The following TM4SF19 variants were observed in gnomAD, a reference collection of about 807,000 sequenced individuals.
The protein encoded by TM4SF19 is transmembrane 4 L6 family member 19.
In TM4SF19, 17 loss-of-function variants were observed where a neutral mutation model predicts 21.8. That is an observed-to-expected ratio of 0.78 (90% CI 0.53 to 1.17). TM4SF19 has a LOEUF of 1.17. Ranked by LOEUF, TM4SF19 falls within the 50% of genes most tolerant of loss-of-function variation. The pLI is 0.00. For synonymous variants in TM4SF19, 107 were observed against 106.7 expected (o/e 1.00, Z -0.02); for missense variants, 216 against 252.1 (o/e 0.86, Z 0.97).
chr3:196,324,315 T>C lies in TM4SF19; in HGVS notation c.405A>G (p.Thr135=), dbSNP rs758365126. The C allele has an allele frequency of 1.5e-5, 25 of 1,614,194 alleles. No individual in the cohort carries two copies. The highest frequency in any genetic ancestry group is 2.0e-5 in the Non-Finnish European group (24 of 1,180,028). ...CMFDVSSFNQ[T]QAWKYGYPFK... ...ATGGGTAACCATATTTCCAAGCTTG[T>C]GTCTGATTGAAGGATGAAACATCAA... The change falls in exon 4 of 5, where the codon ACA becomes ACG. Residue 135 remains threonine (T), a synonymous_variant. Coordinates refer to ENST00000273695, the MANE Select transcript of TM4SF19 (RefSeq NM_138461.4).
chr3:196,330,025 C>T (rs1213689597), intron 1 of TM4SF19, among the ~76,000 whole-genome samples: 2 of 151,246 alleles, frequency 1.3e-5, no homozygotes, highest in Non-Finnish European at 2.9e-5. Flanking sequence ...GCATGTGCCA[C>T]CACGCCTGGC....
chr3:196,332,848 ATTTTTTTTT>A (rs544134464), intron 1 of TM4SF19, among the ~76,000 whole-genome samples: 1 of 120,866 alleles, frequency 8.3e-6, no homozygotes, highest in African/African-American at 3.1e-5. Context: ...TCAACTTACA[ATTTTTTTTT>A]TTTTTTTTTT....
rs1379419539 is a variant in TM4SF19, at chr3:196,329,506, G to T, written c.-1-1915C>A. On this transcript the variant is annotated intron_variant, in intron 1 of 4. Transcript: ENST00000273695. ...ACAATCCACAAAACATGATTAATCA[G>T]ACTGCTTAAAAATTTAAATGTCAGC... Among the ~76,000 whole-genome samples the T allele has an allele frequency of 1.6e-5, 2 of 124,862 alleles. 1 individual carries two copies. Among genetic ancestry groups the T allele is most frequent in the Non-Finnish European group, 3.5e-5 (2 of 57,044 alleles). The allele number at this position is 124,862 out of a possible 152,430, so 81.9% of individuals were successfully genotyped here.
At chr3:196,337,537 A>C (rs535303436) in intron 1 of TM4SF19, among the ~76,000 whole-genome samples, 2 of 152,256 alleles carry the variant, frequency 1.3e-5, no homozygotes, top group East Asian at 3.9e-4. Flanking sequence ...CTACACTAAG[A>C]AGCAAAATGG....
chr3:196,323,963 C>G lies in TM4SF19; in HGVS notation c.484G>C (p.Val162Leu), dbSNP rs35643777. ...YLYDRSLWNS[V>L]CLEPSAAVVW... ...ACAGCTGCAGAGGGCTCCAGGCAGA[C>G]GGAGTTCCAGAGCGAACGGTCATAC... The change falls in exon 5 of 5, where the codon GTC (valine) becomes CTC (leucine). Residue 162 changes from valine (V) to leucine (L), a missense_variant. Coordinates refer to ENST00000273695, the MANE Select transcript of TM4SF19 (RefSeq NM_138461.4). 2 of 1,613,900 alleles carry G rather than the reference C, an allele frequency of 1.2e-6. No homozygotes were observed. Among genetic ancestry groups the G allele is most frequent in the Non-Finnish European group, 1.7e-6 (2 of 1,179,980 alleles).
In TM4SF19 at chr3:196,323,682, G is replaced by T. The variant is rs1244928870; in HGVS notation, c.*135C>A. On this transcript the variant is annotated 3_prime_UTR_variant, in exon 5 of 5. Transcript: ENST00000273695. ...TTCTATCATTCCACCGACCTGCAGT[G>T]AATTTTGTTGTCATTATTACTCCAG... The T allele has an allele frequency of 1.3e-6, 2 of 1,524,638 alleles. No individual in the cohort carries two copies. Among genetic ancestry groups the T allele is most frequent in the African/African-American group, 2.8e-5 (2 of 72,610 alleles). The allele number at this position is 1,524,638 out of a possible 1,614,324, so 94.4% of individuals were successfully genotyped here.
At chr3:196,324,622 G>T in intron 3 of TM4SF19, 182 bp from the exon 4 acceptor site, 1 of 624,314 alleles carries the variant, frequency 1.6e-6, no homozygotes, top group Non-Finnish European at 2.8e-6. Flanking sequence ...TTCTGTCCAT[G>T]GCACCCCCTT....
intron 1 of TM4SF19, among the ~76,000 whole-genome samples, chr3:196,333,139 C>T (rs764675980): frequency 1.4e-4 from 21 of 152,204 alleles, no homozygotes; most frequent in Non-Finnish European, 7.3e-5. Flanking sequence ...TAAGCCACCA[C>T]GCCCAGTCCC....
chr3:196,324,754 G>T, intron 3 of TM4SF19: 1 of 316,128 alleles, frequency 3.2e-6, no homozygotes, highest in Non-Finnish European at 5.9e-6. Context: ...CAGCAGCTTG[G>T]CATCACAAAC....
At chr3:196,334,532 C>A (rs901703758) in intron 1 of TM4SF19, among the ~76,000 whole-genome samples, 1 of 152,002 alleles carries the variant, frequency 6.6e-6, no homozygotes, top group Non-Finnish European at 1.5e-5. Context: ...CAGCTCACTG[C>A]AACCTCCGCC....
chr3:196,331,434 C>G (rs1395884055), intron 1 of TM4SF19, among the ~76,000 whole-genome samples: 1 of 151,382 alleles, frequency 6.6e-6, no homozygotes, highest in Admixed American at 6.6e-5. Context: ...ACGTCTGTCT[C>G]CCCTTAAGGC....
At chr3:196,334,122 G>A (rs1425516826) in intron 1 of TM4SF19, among the ~76,000 whole-genome samples, 1 of 152,120 alleles carries the variant, frequency 6.6e-6, no homozygotes, top group African/African-American at 2.4e-5. Context: ...TTTGTAACTT[G>A]TGTGAGATAA....
At chr3:196,329,741 G>T (rs1269971818) in intron 1 of TM4SF19, among the ~76,000 whole-genome samples, 2 of 125,610 alleles carry the variant, frequency 1.6e-5, no homozygotes, top group African/African-American at 5.3e-5. Context: ...CCACTTATAT[G>T]AAATATTCAA....
chr3:196,327,563 T>G lies in TM4SF19; in HGVS notation c.28A>C (p.Ser10Arg), dbSNP rs1727348674. The G allele has an allele frequency of 6.2e-7, 1 of 1,613,482 alleles. No individual in the cohort carries two copies. Among genetic ancestry groups the G allele is most frequent in the Non-Finnish European group, 8.5e-7 (1 of 1,179,824 alleles). MVSSPCTQASSRTCSRILGL... is the reference protein window; with the variant it reads MVSSPCTQARSRTCSRILGL... ...AGGATACGGGAGCAAGTCCGTGAGC[T>G]TGCCTGCGTGCAGGGAGAGGACACC... is the stretch of plus-strand genomic sequence containing the variant. The change falls in exon 2 of 5, where the codon AGC (serine) becomes CGC (arginine). Residue 10 changes from serine (S) to arginine (R), a missense_variant. By Grantham distance (110) the Ser-to-Arg change is moderately radical. Transcript: ENST00000273695.
At chr3:196,327,624 C>G in intron 1 of TM4SF19, 33 bp from the exon 2 acceptor site, 1 of 1,586,396 alleles carries the variant, frequency 6.3e-7, no homozygotes, top group Non-Finnish European at 8.6e-7. Flanking sequence ...CGCAGCAGCT[C>G]TGCTGTGGGG....
rs910739269 is a variant in TM4SF19, at chr3:196,325,415, C to A, written c.280-975G>T. The A allele has an allele frequency of 6.6e-6, 1 of 152,058 alleles. No homozygotes were observed. The highest frequency in any genetic ancestry group is 2.4e-5 in the African/African-American group (1 of 41,390). 9.4% of individuals were successfully genotyped at this position (152,058 alleles called of 1,614,324 possible). ...TGGGGTTTCACTGTGTTGGTCATGC[C>A]GGTCTCAATCTCCTGACCTTGTGAT... On this transcript the variant is annotated intron_variant, in intron 3 of 4. Coordinates refer to ENST00000273695, the MANE Select transcript of TM4SF19 (RefSeq NM_138461.4). The surrounding 1 kb of genome is among the most constrained non-coding windows in gnomAD (Gnocchi z 4.3).
chr3:196,326,044 G>T (rs970395073), intron 3 of TM4SF19, among the ~76,000 whole-genome samples: 1 of 152,122 alleles, frequency 6.6e-6, no homozygotes. Flanking sequence ...GCGCCATCTC[G>T]GCTCACTGCA....
At position 196,324,001 on chromosome 3, in the gene TM4SF19, T is replaced by A; in HGVS notation, c.450-4A>T. 1 of 1,613,414 alleles carries A rather than the reference T, an allele frequency of 6.2e-7. No homozygotes were observed. The highest frequency in any genetic ancestry group is 1.1e-5 in the South Asian group (1 of 91,052). On this transcript the variant is annotated splice_polypyrimidine_tract_variant and splice_region_variant and intron_variant, in intron 4 of 4. Coordinates refer to ENST00000273695, the MANE Select transcript of TM4SF19 (RefSeq NM_138461.4). ...CGAACGGTCATACAGATAATTCCTA[T>A]CCCAAAAAATAAGGAGACCAGGGGT...
At chr3:196,324,036 A>AT in intron 4 of TM4SF19, 39 bp from the exon 5 acceptor site, 1 of 1,605,232 alleles carries the variant, frequency 6.2e-7, no homozygotes, top group Non-Finnish European at 8.5e-7. Context: ...TCAGGCGATA[A>AT]GTAAGGAAAG....
Sources: gnomAD v4.1 joint callset for allele counts (sites outside exome capture counted in the v4.1 genomes callset) on GRCh38, gnomAD v4.1.1 for gene constraint, Gnocchi (gnomAD v3.1) non-coding constraint, MANE v1.5 for transcripts, NCBI Gene and HGNC (gene_info 2026-07-23, HGNC 2026-07-21) for gene names.